The following DCAF17 variants were observed in gnomAD, a reference collection of about 807,000 sequenced individuals.
DCAF17 encodes the protein DDB1 and CUL4 associated factor 17.
DCAF17 carries 48 observed loss-of-function variants against 66.0 expected under a neutral mutation model. That is an observed-to-expected ratio of 0.73 (90% CI 0.58 to 0.92). DCAF17 has a LOEUF of 0.92. Among genes scored for constraint, DCAF17 ranks in the 40% least tolerant of loss-of-function variants. The pLI is 0.00. For synonymous variants in DCAF17, 206 were observed against 214.6 expected, an observed-to-expected ratio of 0.96 and a Z score of 0.35; for missense variants, 562 against 622.8, an observed-to-expected ratio of 0.90 and a Z score of 1.04.
At chr2:171,442,386 G>T (rs1377151843) in intron 2 of DCAF17, among the ~76,000 whole-genome samples, 2 of 151,578 alleles carry the variant, frequency 1.3e-5, no homozygotes, top group Non-Finnish European at 2.9e-5. Flanking sequence ...GTGAAACCCT[G>T]TCTCTACTAA....
intron 5 of DCAF17, among the ~76,000 whole-genome samples, chr2:171,451,981 C>T (rs1694980726): frequency 6.6e-6 from 1 of 152,160 alleles, no homozygotes; most frequent in Non-Finnish European, 1.5e-5. Flanking sequence ...CAGTCTCCAG[C>T]CAACAAGTAG....
At position 171,482,125 on chromosome 2, in the gene DCAF17, A is replaced by G. The variant is rs1272062141; in HGVS notation, c.*1011A>G. 4.5e-6 allele frequency: 2 copies of G among 447,712 alleles called. No individual in the cohort carries two copies. The highest frequency in any genetic ancestry group is 1.4e-4 in the East Asian group (2 of 14,376). 27.7% of individuals were successfully genotyped at this position (447,712 alleles called of 1,614,324 possible). ...ATATGGTCCTTGACTTTTAATAATC[A>G]TTCTTTAGAATGTTAAATAAAGGCA... On this transcript the variant is annotated 3_prime_UTR_variant, in exon 14 of 14. Transcript: ENST00000375255.
rs374810983 is a variant in DCAF17, at chr2:171,484,120, CTTTG to C, written c.*3012_*3015del. 1.2e-3 allele frequency: 544 copies of C among 453,094 alleles called. No homozygotes were observed. Among genetic ancestry groups the C allele is most frequent in the Middle Eastern group, 5.6e-3 (8 of 1,438 alleles). The allele number at this position is 453,094 out of a possible 1,614,324, so 28.1% of individuals were successfully genotyped here. A position where few individuals can be genotyped will look rare whatever the true frequency, so the allele number is the denominator to read the frequency against. The stretch of plus-strand genomic sequence containing the variant: ...TAGCAGTCATTAAAAGGTACTTTCC[CTTTG>C]TTTGTGGTGATAATCAGTATTAGTA... On this transcript the variant is annotated 3_prime_UTR_variant, in exon 14 of 14. Transcript: ENST00000375255.
chr2:171,477,983 A>G lies in DCAF17; in HGVS notation c.1183-4A>G. On this transcript the variant is annotated splice_polypyrimidine_tract_variant and splice_region_variant and intron_variant, in intron 11 of 13. Transcript: ENST00000375255. ...ATATCTTTTTATTTCTTTCCATATG[A>G]TAGAATGAAAATGTACTCACTGTTA... 6.2e-7 allele frequency: 1 copy of G among 1,611,366 alleles called. No individual in the cohort carries two copies. Among genetic ancestry groups the G allele is most frequent in the Non-Finnish European group, 8.5e-7 (1 of 1,177,542 alleles).
At chr2:171,458,335 T>C (rs925649812) in intron 7 of DCAF17, 37 bp from the exon 8 acceptor site, 13 of 1,540,168 alleles carry the variant, frequency 8.4e-6, no homozygotes, top group Non-Finnish European at 1.2e-5. Context: ...AATAAATAGG[T>C]GCTAAAGCCA....
chr2:171,460,197 C>T (rs1204300427), intron 8 of DCAF17, among the ~76,000 whole-genome samples: 2 of 151,760 alleles, frequency 1.3e-5, no homozygotes, highest in East Asian at 1.9e-4. Flanking sequence ...GTGGCAGGCA[C>T]CTGTAATCCC....
At chr2:171,453,575 C>T (rs1695077463) in intron 6 of DCAF17, among the ~76,000 whole-genome samples, 1 of 151,958 alleles carries the variant, frequency 6.6e-6, no homozygotes, top group East Asian at 1.9e-4. Flanking sequence ...ATTTTAATTG[C>T]AAGATATAGG....
Position 171,483,613 on chromosome 2 carries a change from T to G in DCAF17, c.*2499T>G, listed in dbSNP as rs1410660165. 1 of 454,126 alleles carries G rather than the reference T, an allele frequency of 2.2e-6. No homozygotes were observed. Among genetic ancestry groups the G allele is most frequent in the South Asian group, 1.6e-5 (1 of 64,454 alleles). 28.1% of individuals were successfully genotyped at this position (454,126 alleles called of 1,614,324 possible). The stretch of plus-strand genomic sequence containing the variant: ...TTTAGACAAATTAAGGCACTTCACA[T>G]TCTTCCACCAATTGAAAGTTTTGTA... On this transcript the variant is annotated 3_prime_UTR_variant, in exon 14 of 14. Transcript: ENST00000375255.
chr2:171,453,004 A>G (rs774288683), intron 5 of DCAF17, 120 bp from the exon 6 acceptor site: 13 of 612,632 alleles, frequency 2.1e-5, no homozygotes, highest in Non-Finnish European at 3.0e-5. Context: ...GGTTGTTTTC[A>G]TAATATGAAA....
At chr2:171,450,238 G>C (rs1694869668) in intron 5 of DCAF17, among the ~76,000 whole-genome samples, 1 of 152,176 alleles carries the variant, frequency 6.6e-6, no homozygotes, top group Admixed American at 6.5e-5. Context: ...GGGTGAAAGG[G>C]TGGGAGGTGG....
chr2:171,443,475 T>C, intron 2 of DCAF17, 48 bp from the exon 3 acceptor site: 1 of 1,510,060 alleles, frequency 6.6e-7, no homozygotes, highest in South Asian at 1.1e-5. Context: ...GAACAAATAC[T>C]GTCTTGGTTA....
At chr2:171,468,672 A>G (rs772988219) in intron 8 of DCAF17, among the ~76,000 whole-genome samples, 4 of 152,184 alleles carry the variant, frequency 2.6e-5, no homozygotes, top group Admixed American at 6.5e-5. Flanking sequence ...ACAGATACCT[A>G]GAAAGTTGAT....
rs555648311 is a variant in DCAF17, at chr2:171,472,474, C to T, written c.982-1392C>T. On this transcript the variant is annotated intron_variant, in intron 9 of 13. Transcript: ENST00000375255. ...GATTACAGGCGTAAGCCACTGCCCC[C>T]GGCCGATTAACACTTCTGTACTTTC... is the stretch of plus-strand genomic sequence containing the variant. Among the ~76,000 whole-genome samples the T allele has an allele frequency of 8.3e-4, 126 of 152,296 alleles. 1 individual carries two copies. The highest frequency in any genetic ancestry group is 7.8e-4 in the Non-Finnish European group (53 of 68,016).
In DCAF17 at chr2:171,434,491, T is replaced by C; in HGVS notation, c.-87T>C. 6.6e-7 allele frequency: 1 copy of C among 1,519,766 alleles called. No individual in the cohort carries two copies. The highest frequency in any genetic ancestry group is 8.8e-7 in the Non-Finnish European group (1 of 1,137,746). 94.1% of individuals were successfully genotyped at this position (1,519,766 alleles called of 1,614,324 possible). A position where few individuals can be genotyped will look rare whatever the true frequency, so the allele number is the denominator to read the frequency against. On this transcript the variant is annotated 5_prime_UTR_variant, in exon 1 of 14. Coordinates refer to ENST00000375255, the MANE Select transcript of DCAF17 (RefSeq NM_025000.4). ...CGCCGGGAAAGTCTGGGCCTCGAAA[T>C]TCGAAGGCAGCGGCGGCTGCCCAGC... is the stretch of plus-strand genomic sequence containing the variant.
chr2:171,475,695 C>G (rs897143840), intron 10 of DCAF17, among the ~76,000 whole-genome samples: 2 of 152,090 alleles, frequency 1.3e-5, no homozygotes, highest in Admixed American at 6.5e-5. Context: ...CCCAGGAGTT[C>G]GAGGCTGCAG....
chr2:171,457,466 T>C (rs1289009909), intron 6 of DCAF17, among the ~76,000 whole-genome samples: 3 of 152,200 alleles, frequency 2.0e-5, no homozygotes. Flanking sequence ...GTTTTAAATA[T>C]TGTTACTTGG....
intron 2 of DCAF17, among the ~76,000 whole-genome samples, chr2:171,438,944 A>G (rs1312282778): frequency 9.7e-6 from 1 of 103,108 alleles, no homozygotes; most frequent in African/African-American, 3.3e-5. Context: ...GTGTTGCCCA[A>G]GCTGATCTCA....
In DCAF17 at chr2:171,483,573, G is replaced by A. The variant is rs368249337; in HGVS notation, c.*2459G>A. On this transcript the variant is annotated 3_prime_UTR_variant, in exon 14 of 14. Coordinates refer to ENST00000375255, the MANE Select transcript of DCAF17 (RefSeq NM_025000.4). ...ATTTACTATTTGTGCTACCTAGTGA[G>A]GAGATACCGCTCTGTTTAGACAAAT... 44 of 454,076 alleles carry A rather than the reference G, an allele frequency of 9.7e-5. No individual in the cohort carries two copies. Among genetic ancestry groups the A allele is most frequent in the African/African-American group, 8.0e-4 (40 of 50,096 alleles). 28.1% of individuals were successfully genotyped at this position (454,076 alleles called of 1,614,324 possible).
intron 8 of DCAF17, among the ~76,000 whole-genome samples, chr2:171,461,913 A>G (rs1185684688): frequency 6.6e-6 from 1 of 152,092 alleles, no homozygotes. Context: ...ATCACATGGC[A>G]TGTATTTTTT....
Sources: gnomAD v4.1 joint callset for allele counts (sites outside exome capture counted in the v4.1 genomes callset) on GRCh38, gnomAD v4.1.1 for gene constraint, MANE v1.5 for transcripts, NCBI Gene and HGNC (gene_info 2026-07-23, HGNC 2026-07-21) for gene names.